ROCK2: variants seen among roughly 807,000 people sequenced by gnomAD.
The protein encoded by ROCK2 is rho-associated protein kinase 2.
A neutral mutation model predicts 195.1 loss-of-function variants in ROCK2; 61 were observed. That is an observed-to-expected ratio of 0.31 (90% confidence interval 0.25 to 0.39). The LOEUF is 0.39. ROCK2 is among the 10% of genes least tolerant of loss of function. The probability of loss-of-function intolerance (pLI) is 1.00; values close to 1 mark genes in which losing one functional copy is unlikely to be tolerated. For missense variants in ROCK2, 1,109 were observed against 1,637.4 expected (o/e 0.68, Z 5.57); for synonymous variants, 504 against 545.5 (o/e 0.92, Z 1.06).
chr2:11,246,077 T>C (rs1481609536), intron 4 of ROCK2, among the ~76,000 whole-genome samples: 1 of 152,172 alleles, frequency 6.6e-6, no homozygotes, highest in African/African-American at 2.4e-5. Flanking sequence ...ATAAATGATA[T>C]ATCAAGACAC....
intron 5 of ROCK2, chr2:11,233,893 T>C (rs1665111781): frequency 6.6e-6 from 1 of 152,116 alleles, no homozygotes. Context: ...AAAAGCAAGA[T>C]GAGGCCTTCG....
At chr2:11,241,040 A>G (rs1317150698) in intron 4 of ROCK2, among the ~76,000 whole-genome samples, 2 of 152,222 alleles carry the variant, frequency 1.3e-5, no homozygotes, top group Non-Finnish European at 1.5e-5. Context: ...AGTTTTATTT[A>G]TAAGAGAGAA....
At chr2:11,271,947 C>G (rs1470874944) in intron 3 of ROCK2, among the ~76,000 whole-genome samples, 11 of 149,468 alleles carry the variant, frequency 7.4e-5, no homozygotes, top group African/African-American at 1.2e-4. Context: ...GTGAACCCGA[C>G]AGGCGGAGCT....
chr2:11,345,226 G>C (rs1669268507), upstream of ROCK2, among the ~76,000 whole-genome samples: 1 of 152,248 alleles, frequency 6.6e-6, no homozygotes, highest in African/African-American at 2.4e-5. Context: ...TCCTGGGGCA[G>C]GAGGGCCTGG....
chr2:11,342,984 A>G (rs748590515), intron 1 of ROCK2, among the ~76,000 whole-genome samples: 2 of 152,222 alleles, frequency 1.3e-5, no homozygotes, highest in Non-Finnish European at 2.9e-5. Context: ...CTCATCATAC[A>G]GTAAGGTTTA....
At chr2:11,240,972 T>C (rs1665406443) in intron 4 of ROCK2, among the ~76,000 whole-genome samples, 1 of 152,144 alleles carries the variant, frequency 6.6e-6, no homozygotes, top group Non-Finnish European at 1.5e-5. Flanking sequence ...CAACTCTAAA[T>C]TTACCACAGC....
At chr2:11,322,299 T>C (rs959351032) in intron 1 of ROCK2, among the ~76,000 whole-genome samples, 2 of 152,096 alleles carry the variant, frequency 1.3e-5, no homozygotes, top group Non-Finnish European at 2.9e-5. Flanking sequence ...AATTTTCATA[T>C]TAATGTATCA....
At chr2:11,299,236 TG>T (rs1284846147) in intron 1 of ROCK2, among the ~76,000 whole-genome samples, 1 of 149,768 alleles carries the variant, frequency 6.7e-6, no homozygotes, top group Non-Finnish European at 1.5e-5. Flanking sequence ...ATTGCACCAC[TG>T]CACTCCAGCC....
At chr2:11,206,073 C>T (rs1664040924) in intron 20 of ROCK2, among the ~76,000 whole-genome samples, 1 of 151,750 alleles carries the variant, frequency 6.6e-6, no homozygotes, top group Non-Finnish European at 1.5e-5. Context: ...CACACTATTG[C>T]ACTCCAACTT....
chr2:11,332,329 A>G (rs976936328), intron 1 of ROCK2, among the ~76,000 whole-genome samples: 1 of 152,174 alleles, frequency 6.6e-6, no homozygotes, highest in African/African-American at 2.4e-5. Context: ...ACTGATCTGT[A>G]TTTGTATTCT....
chr2:11,271,889 G>A (rs1206556329), intron 3 of ROCK2, among the ~76,000 whole-genome samples: 3 of 152,074 alleles, frequency 2.0e-5, no homozygotes, highest in Middle Eastern at 3.4e-3. Context: ...GCGTGGTGGC[G>A]GGCACCTGTA....
chr2:11,186,070 G>C (rs1663186299), intron 32 of ROCK2, among the ~76,000 whole-genome samples: 1 of 152,194 alleles, frequency 6.6e-6, no homozygotes, highest in Admixed American at 6.5e-5. Flanking sequence ...TGACAGAATA[G>C]GTTAATGGAT....
chr2:11,213,786 C>T (rs1273064101), intron 17 of ROCK2, among the ~76,000 whole-genome samples: 1 of 151,944 alleles, frequency 6.6e-6, no homozygotes, highest in African/African-American at 2.4e-5. Context: ...TAAGTCTTAT[C>T]ATTCTATTTG....
intron 9 of ROCK2, among the ~76,000 whole-genome samples, chr2:11,220,697 C>A (rs893122490): frequency 4.6e-5 from 7 of 152,270 alleles, no homozygotes; most frequent in Middle Eastern, 3.4e-3. Flanking sequence ...CTATTCAACA[C>A]CTCACAACTG....
chr2:11,251,373 CTG>C lies in ROCK2; in HGVS notation c.325-1577_325-1576del, dbSNP rs1665826484. Among the ~76,000 whole-genome samples, 6 of 152,360 alleles carry C rather than the reference CTG, an allele frequency of 3.9e-5. No homozygotes were observed. In the South Asian group the frequency reaches 1.2e-3, roughly 32 times the overall value. ...CTAAGTACTTGGCATGTGCCAGGCA[CTG>C]TGTGTTTTGATACATATATTATCTT... On this transcript the variant is annotated intron_variant, in intron 3 of 32. Transcript: ENST00000315872.
intron 1 of ROCK2, among the ~76,000 whole-genome samples, chr2:11,294,913 G>C (rs1667464892): frequency 6.6e-6 from 1 of 151,904 alleles, no homozygotes; most frequent in African/African-American, 2.4e-5. Flanking sequence ...TCAGCCTCCA[G>C]AGGAGCTGGG....
chr2:11,243,234 G>T (rs534733700), intron 4 of ROCK2, among the ~76,000 whole-genome samples: 2 of 152,250 alleles, frequency 1.3e-5, no homozygotes, highest in African/African-American at 4.8e-5. Context: ...AACCTGATTG[G>T]GATCTGAATA....
At chr2:11,281,208 T>TA (rs1173116040) in intron 3 of ROCK2, among the ~76,000 whole-genome samples, 4,692 of 99,976 alleles carry the variant, frequency 0.047, 179 homozygotes, top group African/African-American at 0.11. Context: ...ACTCATTATT[T>TA]AAAAAAAAAA....
At chr2:11,334,585 G>T (rs76575501) in intron 1 of ROCK2, among the ~76,000 whole-genome samples, 1 of 150,346 alleles carries the variant, frequency 6.7e-6, no homozygotes, top group Non-Finnish European at 1.5e-5. Context: ...TAAAAGACTC[G>T]TACTAAAAGA....
Sources: gnomAD v4.1 joint callset for allele counts (sites outside exome capture counted in the v4.1 genomes callset) on GRCh38, gnomAD v4.1.1 for gene constraint, MANE v1.5 for transcripts, NCBI Gene and HGNC (gene_info 2026-07-23, HGNC 2026-07-21) for gene names.